Variants in EPS8 observed in about 807,000 individuals in gnomAD.
The protein encoded by EPS8 is epidermal growth factor receptor kinase substrate 8.
Under a neutral mutation model 103.8 loss-of-function variants are expected in EPS8, and 42 were observed. That is an observed-to-expected ratio of 0.40 (90% CI 0.32 to 0.52). EPS8 has a LOEUF of 0.52. Among genes scored for constraint, EPS8 ranks in the 20% least tolerant of loss-of-function variants. The pLI, the probability that EPS8 is intolerant of heterozygous loss-of-function variation, is 0.40. For missense variants in EPS8, 969 were observed against 1,005.1 expected, an observed-to-expected ratio of 0.96 and a Z score of 0.49; for synonymous variants, 344 against 344.6, an observed-to-expected ratio of 1.00 and a Z score of 0.02.
intron 3 of EPS8, among the ~76,000 whole-genome samples, chr12:15,676,459 A>C (rs1209761919): frequency 6.6e-6 from 1 of 152,070 alleles, no homozygotes; most frequent in Non-Finnish European, 1.5e-5. Context: ...CAAAAAGGAG[A>C]TGAATCTGAA....
rs1946788324 is a variant in EPS8 at position 15,738,531 on chromosome 12, T to G, written c.-22+50630A>C. 6.6e-6 allele frequency among the ~76,000 whole-genome samples: 1 copy of G among 152,202 alleles called. No homozygotes were observed. Among genetic ancestry groups the G allele is most frequent in the Non-Finnish European group, 1.5e-5 (1 of 68,040 alleles). On this transcript the variant is annotated intron_variant, in intron 1 of 20. Transcript: ENST00000281172. The surrounding 1 kb of genome is among the most constrained non-coding windows in gnomAD (Gnocchi z 6.2). ...TCATTGAACTTACTGAAGGTCCTTC[T>G]ATAATAAGAACATTCTTAGCCCTGA... is the stretch of plus-strand genomic sequence containing the variant.
At chr12:15,705,318 A>G (rs1946370735) in intron 1 of EPS8, among the ~76,000 whole-genome samples, 1 of 152,222 alleles carries the variant, frequency 6.6e-6, no homozygotes, top group African/African-American at 2.4e-5. Context: ...ATATTCAATG[A>G]TTTGTAATAG....
chr12:15,722,332 C>A lies in EPS8; in HGVS notation c.-21-39360G>T, dbSNP rs547180829. ...GCCTATTTTAAACAATTACCCCCCC[C>A]AAAAATTATGTAACTAATCTTTCCT... On this transcript the variant is annotated intron_variant, in intron 1 of 20. Coordinates refer to ENST00000281172, the MANE Select transcript of EPS8 (RefSeq NM_004447.6). Among the ~76,000 whole-genome samples the A allele has an allele frequency of 1.3e-3, 205 of 152,206 alleles. 1 individual carries two copies. Among genetic ancestry groups the A allele is most frequent in the Middle Eastern group, 6.8e-3 (2 of 294 alleles).
chr12:15,787,355 T>C lies in EPS8; in HGVS notation c.-22+1806A>G, dbSNP rs1947321897. Among the ~76,000 whole-genome samples the C allele has an allele frequency of 6.6e-6, 1 of 152,154 alleles. No homozygotes were observed. The highest frequency in any genetic ancestry group is 2.4e-5 in the African/African-American group (1 of 41,452). On this transcript the variant is annotated intron_variant, in intron 1 of 20. Coordinates refer to ENST00000281172, the MANE Select transcript of EPS8 (RefSeq NM_004447.6). The surrounding 1 kb of genome is among the most constrained non-coding windows in gnomAD (Gnocchi z 4.9). ...ACTGGTATCTGAAAAGAATCAGTAT[T>C]GATAAAACCTTGAAAGCAGGAAAAA...
intron 12 of EPS8, chr12:15,657,862 T>C: frequency 2.0e-6 from 1 of 492,256 alleles, no homozygotes; most frequent in Non-Finnish European, 3.6e-6. Flanking sequence ...CTGTCAGAGA[T>C]ACCAGTTTCC....
intron 1 of EPS8, among the ~76,000 whole-genome samples, chr12:15,722,325 C>T (rs995033347): frequency 2.1e-5 from 3 of 145,418 alleles, no homozygotes; most frequent in South Asian, 4.5e-4. Flanking sequence ...TAAACAATTA[C>T]CCCCCCCAAA....
chr12:15,776,234 G>A lies in EPS8; in HGVS notation c.-22+12927C>T, dbSNP rs1665561874. On this transcript the variant is annotated intron_variant, in intron 1 of 20. Coordinates refer to ENST00000281172, the MANE Select transcript of EPS8 (RefSeq NM_004447.6). This position sits in a 1 kb window ranked among gnomAD's most constrained non-coding sequence, Gnocchi z 4.2. ...ATTAGAAAGGGAGGAAGAAGCAGCTGAAATGATCATAGCTAGAAGCTTTTA... is the reference window on the plus strand; with the variant it reads ...ATTAGAAAGGGAGGAAGAAGCAGCTAAAATGATCATAGCTAGAAGCTTTTA... 6.6e-6 allele frequency among the ~76,000 whole-genome samples: 1 copy of A among 152,154 alleles called. No individual in the cohort carries two copies. Among genetic ancestry groups the A allele is most frequent in the Non-Finnish European group, 1.5e-5 (1 of 68,020 alleles).
chr12:15,657,457 C>G (rs1174666133), intron 12 of EPS8, among the ~76,000 whole-genome samples: 2 of 152,178 alleles, frequency 1.3e-5, no homozygotes, highest in African/African-American at 4.8e-5. Flanking sequence ...TTTTAGACTA[C>G]TGTATTATGC....
chr12:15,753,650 T>C (rs1946956265), intron 1 of EPS8, among the ~76,000 whole-genome samples: 1 of 152,184 alleles, frequency 6.6e-6, no homozygotes, highest in African/African-American at 2.4e-5. Flanking sequence ...CAAGCACATC[T>C]TGAACGTATT....
chr12:15,670,957 C>T (rs182854825), intron 3 of EPS8, 34 bp from the exon 4 acceptor site: 20 of 1,501,398 alleles, frequency 1.3e-5, no homozygotes, highest in East Asian at 9.1e-5. Flanking sequence ...ATGATTTGTC[C>T]CCTAATAGAC....
chr12:15,666,296 G>A (rs1945708235), intron 7 of EPS8, 144 bp downstream of exon 7: 1 of 630,754 alleles, frequency 1.6e-6, no homozygotes. Context: ...ACAAACTTGG[G>A]AGAACAAATG....
At chr12:15,676,723 G>A (rs1180339456) in intron 3 of EPS8, among the ~76,000 whole-genome samples, 1 of 151,976 alleles carries the variant, frequency 6.6e-6, no homozygotes, top group Non-Finnish European at 1.5e-5. Flanking sequence ...TAAGTAAAAT[G>A]TTACTGTTAT....
chr12:15,683,236 G>A (rs1429393359), intron 1 of EPS8: 1 of 236,108 alleles, frequency 4.2e-6, no homozygotes, highest in Non-Finnish European at 8.0e-6. Flanking sequence ...ATAGTTCTGA[G>A]TTCTCAAAGC....
In EPS8 at chr12:15,665,833, G is replaced by C; in HGVS notation, c.659C>G (p.Pro220Arg). The C allele has an allele frequency of 6.2e-7, 1 of 1,613,916 alleles. No individual in the cohort carries two copies. Among genetic ancestry groups the C allele is most frequent in the Non-Finnish European group, 8.5e-7 (1 of 1,179,940 alleles). The change falls in exon 8 of 21, where the codon CCC becomes CGC. Residue 220 changes from proline to arginine, a missense_variant. Coordinates refer to ENST00000281172, the MANE Select transcript of EPS8 (RefSeq NM_004447.6). ...PPPPRAPAPA[P>R]PGTVTQVDVR... ...ATCCACCTGGGTGACGGTCCCAGGG[G>C]GCGCAGGGGCAGGAGCTCTGGGTGG...
intron 17 of EPS8, among the ~76,000 whole-genome samples, chr12:15,637,585 TAG>T (rs1291975838): frequency 1.3e-5 from 2 of 152,356 alleles, no homozygotes; most frequent in Admixed American, 6.5e-5. Flanking sequence ...ATATCTTCTC[TAG>T]AGAGGAGTAT....
intron 13 of EPS8, among the ~76,000 whole-genome samples, chr12:15,651,977 CAAAG>C (rs1591821333): frequency 6.6e-6 from 1 of 152,050 alleles, no homozygotes; most frequent in East Asian, 1.9e-4. Flanking sequence ...GAACCCTAAA[CAAAG>C]AAATTAAAGA....
At position 15,760,721 on chromosome 12, in the gene EPS8, C is replaced by T. The variant is rs1381024484; in HGVS notation, c.-22+28440G>A. 6.6e-6 allele frequency among the ~76,000 whole-genome samples: 1 copy of T among 151,990 alleles called. No homozygotes were observed. Among genetic ancestry groups the T allele is most frequent in the Non-Finnish European group, 1.5e-5 (1 of 67,920 alleles). On this transcript the variant is annotated intron_variant, in intron 1 of 20. Transcript: ENST00000281172. This position sits in a 1 kb window ranked among gnomAD's most constrained non-coding sequence, Gnocchi z 4.5. ...AACCATATAATCATATCAATTGATG[C>T]CAAAAATGCATTTGATTAAATTTAA...
chr12:15,634,039 G>T (rs531324346), intron 17 of EPS8, among the ~76,000 whole-genome samples: 1 of 152,050 alleles, frequency 6.6e-6, no homozygotes, highest in Non-Finnish European at 1.5e-5. Flanking sequence ...CTCAGTTTAC[G>T]TAATGTCTTG....
At chr12:15,637,668 G>C (rs1304984772) in intron 17 of EPS8, among the ~76,000 whole-genome samples, 3 of 152,144 alleles carry the variant, frequency 2.0e-5, no homozygotes, top group South Asian at 2.1e-4. Context: ...TTGGCAGCAT[G>C]GTGCAGGAAT....
Sources: allele counts gnomAD v4.1 joint callset (sites outside exome capture counted in the v4.1 genomes callset), GRCh38; gene constraint gnomAD v4.1.1; non-coding constraint Gnocchi (gnomAD v3.1); transcripts MANE v1.5; gene names NCBI Gene and HGNC (gene_info 2026-07-23, HGNC 2026-07-21).